POU6F2: variants seen among roughly 807,000 people sequenced by gnomAD.
The protein encoded by POU6F2 is POU domain, class 6, transcription factor 2.
A neutral mutation model predicts 71.3 loss-of-function variants in POU6F2; 31 were observed. The ratio of observed to expected loss-of-function variants is 0.43; its 90% CI spans 0.33 to 0.59. POU6F2 has a LOEUF of 0.59. POU6F2 is among the 20% of genes least tolerant of loss of function. POU6F2 has a pLI of 0.04. For synonymous variants in POU6F2, 347 were observed against 355.7 expected (o/e 0.98, Z 0.27); for missense variants, 783 against 856.8 (o/e 0.91, Z 1.07).
At position 39,204,439 on chromosome 7, in the gene POU6F2, T is replaced by G. The variant is rs148422538; in HGVS notation, c.369+113T>G. On this transcript the variant is annotated intron_variant, in intron 3 of 9. Coordinates refer to ENST00000518318, the MANE Select transcript of POU6F2 (RefSeq NM_001370959.1). Reference sequence around the variant, plus strand: ...CCAATTGACTCCAACAGAGCAAAGATGGTAATAAATTTTCGTATGAAAAGC... The same window carrying G: ...CCAATTGACTCCAACAGAGCAAAGAGGGTAATAAATTTTCGTATGAAAAGC... 4.8e-4 allele frequency: 386 copies of G among 808,370 alleles called. 4 individuals carry two copies. In the African/African-American group the frequency reaches 6.2e-3, roughly 13 times the overall value. 50.1% of individuals were successfully genotyped at this position (808,370 alleles called of 1,614,324 possible).
At chr7:39,317,121 C>T (rs1470003423) in intron 4 of POU6F2, among the ~76,000 whole-genome samples, 1 of 152,162 alleles carries the variant, frequency 6.6e-6, no homozygotes, top group Non-Finnish European at 1.5e-5. Context: ...CAAATCCCAC[C>T]CCCTCCGCAG....
chr7:39,236,964 A>T (rs1273305935), intron 4 of POU6F2, among the ~76,000 whole-genome samples: 1 of 152,210 alleles, frequency 6.6e-6, no homozygotes, highest in Non-Finnish European at 1.5e-5. Context: ...GAATTGGAAG[A>T]TATAAAGACG....
chr7:39,015,301 ATATC>A (rs201723529), intron 1 of POU6F2, among the ~76,000 whole-genome samples: 23,632 of 138,224 alleles, frequency 0.17, 2,338 homozygotes, highest in Non-Finnish European at 0.23. Context: ...ATATCTATAA[ATATC>A]TATATATAAT....
At chr7:39,314,923 C>G (rs1445538274) in intron 4 of POU6F2, among the ~76,000 whole-genome samples, 1 of 151,952 alleles carries the variant, frequency 6.6e-6, no homozygotes, top group Non-Finnish European at 1.5e-5. Context: ...GGCACCGTGA[C>G]AGTAAAGAAC....
chr7:39,421,684 TTTG>T (rs762418539), intron 6 of POU6F2, among the ~76,000 whole-genome samples: 15 of 152,144 alleles, frequency 9.9e-5, no homozygotes, highest in African/African-American at 1.7e-4. Context: ...AATTTAGGGT[TTTG>T]TTGTTGTTGT....
chr7:39,356,615 TTGTA>T (rs1786266293), intron 5 of POU6F2, among the ~76,000 whole-genome samples: 1 of 152,236 alleles, frequency 6.6e-6, no homozygotes, highest in Non-Finnish European at 1.5e-5. Flanking sequence ...TCAATAATTG[TTGTA>T]TGTGACGATT....
intron 3 of POU6F2, among the ~76,000 whole-genome samples, chr7:39,205,604 T>C (rs1294737627): frequency 6.6e-6 from 1 of 152,220 alleles, no homozygotes; most frequent in African/African-American, 2.4e-5. Flanking sequence ...ACACCTGGAA[T>C]CTGAGGGCCA....
rs117107710 is a variant in POU6F2, at chr7:39,293,175, C to T, written c.599-46467C>T. ...TGCCCGGCCCCGACGGTGCCAGGCT[C>T]CTCTCTGCTGCGGGTCAGCTGGCTT... On this transcript the variant is annotated intron_variant, in intron 4 of 9. Transcript: ENST00000518318. Among the ~76,000 whole-genome samples the T allele has an allele frequency of 7.7e-3, 1,165 of 152,280 alleles. 8 individuals are homozygous for T. The highest frequency in any genetic ancestry group is 0.011 in the Non-Finnish European group (749 of 68,022).
chr7:39,093,472 T>A (rs1791394537), intron 2 of POU6F2, among the ~76,000 whole-genome samples: 1 of 152,062 alleles, frequency 6.6e-6, no homozygotes, highest in African/African-American at 2.4e-5. Flanking sequence ...ACTTATGATG[T>A]CCCAATGATA....
intron 2 of POU6F2, among the ~76,000 whole-genome samples, chr7:39,174,687 C>A (rs1434519821): frequency 6.6e-6 from 1 of 152,068 alleles, no homozygotes; most frequent in Non-Finnish European, 1.5e-5. Context: ...TCCTCAGTCC[C>A]CTCTCTCCTC....
At chr7:39,418,094 C>T (rs2115948024) in intron 6 of POU6F2, among the ~76,000 whole-genome samples, 1 of 152,160 alleles carries the variant, frequency 6.6e-6, no homozygotes, top group East Asian at 1.9e-4. Flanking sequence ...TATCACCCAA[C>T]TAGAAATGGC....
intron 1 of POU6F2, among the ~76,000 whole-genome samples, chr7:39,039,701 C>A (rs955700793): frequency 6.6e-6 from 1 of 150,946 alleles, no homozygotes; most frequent in African/African-American, 2.4e-5. Flanking sequence ...GTTTGAGACA[C>A]ACATAATATC....
At chr7:39,091,535 A>G (rs1261502662) in intron 2 of POU6F2, among the ~76,000 whole-genome samples, 2 of 152,212 alleles carry the variant, frequency 1.3e-5, no homozygotes, top group Non-Finnish European at 2.9e-5. Flanking sequence ...TAGAAATGAG[A>G]TTAATCTGTA....
chr7:39,258,608 T>C (rs1452751617), intron 4 of POU6F2, among the ~76,000 whole-genome samples: 2 of 152,148 alleles, frequency 1.3e-5, no homozygotes, highest in African/African-American at 4.8e-5. Flanking sequence ...GCTCAAATTA[T>C]GTTTAATAGC....
intron 3 of POU6F2, among the ~76,000 whole-genome samples, chr7:39,207,059 C>T (rs1794027280): frequency 1.3e-5 from 2 of 152,120 alleles, no homozygotes; most frequent in Non-Finnish European, 2.9e-5. Flanking sequence ...TCTGGAACAA[C>T]AGAGAATAAA....
intron 6 of POU6F2, among the ~76,000 whole-genome samples, chr7:39,417,659 C>T (rs1342080168): frequency 5.3e-5 from 8 of 152,186 alleles, no homozygotes; most frequent in African/African-American, 1.9e-4. Context: ...ATGTTGCACA[C>T]TCCCTAGATG....
At chr7:39,305,867 A>G (rs1043467613) in intron 4 of POU6F2, among the ~76,000 whole-genome samples, 5 of 152,258 alleles carry the variant, frequency 3.3e-5, no homozygotes, top group African/African-American at 1.2e-4. Context: ...TGTAAAAGAA[A>G]AAGAGAAATG....
At chr7:39,337,454 C>T (rs931768611) in intron 4 of POU6F2, among the ~76,000 whole-genome samples, 12 of 152,132 alleles carry the variant, frequency 7.9e-5, no homozygotes, top group Admixed American at 7.9e-4. Flanking sequence ...AGTCTTTAAC[C>T]TTCCCTGCTT....
At chr7:39,451,103 A>T (rs561617955) in intron 7 of POU6F2, among the ~76,000 whole-genome samples, 2 of 152,328 alleles carry the variant, frequency 1.3e-5, no homozygotes, top group East Asian at 3.9e-4. Context: ...ACCAGTTTAC[A>T]TAGGATAAAA....
Sources: gnomAD v4.1 joint callset for allele counts (sites outside exome capture counted in the v4.1 genomes callset) on GRCh38, gnomAD v4.1.1 for gene constraint, MANE v1.5 for transcripts, NCBI Gene and HGNC (gene_info 2026-07-23, HGNC 2026-07-21) for gene names.